PLCB1: variants seen among roughly 807,000 people sequenced by gnomAD.
PLCB1 encodes phospholipase C beta 1.
In PLCB1, 46 loss-of-function variants were observed where a neutral mutation model predicts 161.8. That is an observed-to-expected ratio of 0.28 (90% CI 0.22 to 0.36). PLCB1 has a LOEUF of 0.36. PLCB1 is among the 10% of genes least tolerant of loss of function. PLCB1 has a pLI of 1.00. For missense variants in PLCB1, 1,016 were observed against 1,472.5 expected (o/e 0.69, Z 5.07); for synonymous variants, 517 against 503.7 (o/e 1.03, Z -0.35).
chr20:8,608,930 T>C (rs1987829885), intron 3 of PLCB1, among the ~76,000 whole-genome samples: 1 of 152,182 alleles, frequency 6.6e-6, no homozygotes, highest in African/African-American at 2.4e-5. Flanking sequence ...CACTATTAGC[T>C]CCTGAAATGT....
intron 2 of PLCB1, among the ~76,000 whole-genome samples, chr20:8,207,640 G>A (rs186114319): frequency 6.6e-6 from 1 of 152,066 alleles, no homozygotes; most frequent in Non-Finnish European, 1.5e-5. Context: ...GTGTGAAGTG[G>A]CATGATCACA....
At chr20:8,808,751 G>C (rs1984665728) in intron 31 of PLCB1, among the ~76,000 whole-genome samples, 1 of 152,138 alleles carries the variant, frequency 6.6e-6, no homozygotes, top group Non-Finnish European at 1.5e-5. Context: ...ATTAAATATT[G>C]CTTAAGCAAA....
At chr20:8,166,310 G>A (rs1600211113) in intron 2 of PLCB1, among the ~76,000 whole-genome samples, 1 of 152,066 alleles carries the variant, frequency 6.6e-6, no homozygotes, top group East Asian at 1.9e-4. Context: ...AAAACATGCT[G>A]GCCATCTTGA....
intron 31 of PLCB1, among the ~76,000 whole-genome samples, chr20:8,814,438 T>G (rs78466448): frequency 0.027 from 4,142 of 152,284 alleles, 175 homozygotes; most frequent in African/African-American, 0.095. Context: ...TAGAAAATAG[T>G]TCTTTCCTTT....
chr20:8,372,832 A>G (rs1986946378), intron 3 of PLCB1, among the ~76,000 whole-genome samples: 1 of 152,192 alleles, frequency 6.6e-6, no homozygotes, highest in Admixed American at 6.5e-5. Context: ...ACCTAAGTTT[A>G]TTGGCCTAAC....
intron 31 of PLCB1, among the ~76,000 whole-genome samples, chr20:8,828,415 A>G (rs1985818187): frequency 6.6e-6 from 1 of 152,244 alleles, no homozygotes; most frequent in Middle Eastern, 3.4e-3. Context: ...TTTTTTTTAA[A>G]CATTCTCTTA....
At chr20:8,508,488 T>C (rs1429490373) in intron 3 of PLCB1, among the ~76,000 whole-genome samples, 1 of 152,202 alleles carries the variant, frequency 6.6e-6, no homozygotes, top group Non-Finnish European at 1.5e-5. Context: ...TGTTCATCTT[T>C]AGATGGTAAA....
intron 3 of PLCB1, among the ~76,000 whole-genome samples, chr20:8,435,195 C>G (rs933571783): frequency 4.6e-5 from 7 of 152,098 alleles, no homozygotes; most frequent in African/African-American, 1.7e-4. Flanking sequence ...ACACTATAAG[C>G]ATTAAGACAA....
At chr20:8,172,742 C>T (rs2051745324) in intron 2 of PLCB1, among the ~76,000 whole-genome samples, 1 of 152,146 alleles carries the variant, frequency 6.6e-6, no homozygotes, top group African/African-American at 2.4e-5. Context: ...CTAAGTACAA[C>T]TATACATCCC....
chr20:8,528,110 T>C (rs886922490), intron 3 of PLCB1, among the ~76,000 whole-genome samples: 2 of 152,072 alleles, frequency 1.3e-5, no homozygotes, highest in Non-Finnish European at 2.9e-5. Context: ...TGTAAAATGG[T>C]GCAGCCACTT....
chr20:8,523,492 CT>C lies in PLCB1; in HGVS notation c.247-104801del, dbSNP rs2095050715. ...TCTCTCTCTCTCTCTCTCTCTCTCT[CT>C]CTCTATATATATATATATATATATA... is the stretch of plus-strand genomic sequence containing the variant. On this transcript the variant is annotated intron_variant, in intron 3 of 31. Transcript: ENST00000338037. Among the ~76,000 whole-genome samples, 12 of 61,840 alleles carry C rather than the reference CT, an allele frequency of 1.9e-4. 2 individuals are homozygous for C. The highest frequency in any genetic ancestry group is 3.6e-4 in the Non-Finnish European group (11 of 30,318). 40.6% of individuals were successfully genotyped at this position (61,840 alleles called of 152,430 possible).
chr20:8,220,985 C>A (rs1366858577), intron 2 of PLCB1, among the ~76,000 whole-genome samples: 1 of 152,118 alleles, frequency 6.6e-6, no homozygotes, highest in African/African-American at 2.4e-5. Flanking sequence ...ATTATGGTTT[C>A]ATCACTGGCA....
At chr20:8,409,523 C>T (rs1000079129) in intron 3 of PLCB1, among the ~76,000 whole-genome samples, 84 of 151,806 alleles carry the variant, frequency 5.5e-4, no homozygotes, top group African/African-American at 1.9e-3. Flanking sequence ...AGTGCAATGG[C>T]ATGGTCTTGG....
intron 2 of PLCB1, among the ~76,000 whole-genome samples, chr20:8,274,239 A>G (rs1483544606): frequency 6.6e-6 from 1 of 152,174 alleles, no homozygotes; most frequent in Non-Finnish European, 1.5e-5. Context: ...CCCCAAGTCT[A>G]CCACCCAGAA....
At chr20:8,721,399 CT>C (rs1349959954) in intron 14 of PLCB1, among the ~76,000 whole-genome samples, 2 of 152,182 alleles carry the variant, frequency 1.3e-5, no homozygotes, top group Non-Finnish European at 2.9e-5. Flanking sequence ...ACCTCGCTGA[CT>C]TTTTACTTGA....
At chr20:8,220,027 A>G (rs1398661701) in intron 2 of PLCB1, among the ~76,000 whole-genome samples, 1 of 152,160 alleles carries the variant, frequency 6.6e-6, no homozygotes, top group Non-Finnish European at 1.5e-5. Context: ...TACATCTTTG[A>G]TAAATGAATG....
At chr20:8,846,821 T>C (rs1986706257) in intron 31 of PLCB1, among the ~76,000 whole-genome samples, 1 of 152,138 alleles carries the variant, frequency 6.6e-6, no homozygotes, top group South Asian at 2.1e-4. Context: ...ACATGGTCCA[T>C]ACAAAAGTCC....
chr20:8,141,931 A>G (rs992619589), intron 1 of PLCB1: 1 of 152,210 alleles, frequency 6.6e-6, no homozygotes. Context: ...TATGGTAGAC[A>G]TGAAGGAAAT....
At chr20:8,716,480 CAAG>C in intron 13 of PLCB1, 132 bp downstream of exon 13, 1 of 715,296 alleles carries the variant, frequency 1.4e-6, no homozygotes, top group East Asian at 2.7e-5. Flanking sequence ...AAATCTTTGA[CAAG>C]GAGGATACCA....
Sources: allele counts gnomAD v4.1 joint callset (sites outside exome capture counted in the v4.1 genomes callset), GRCh38; gene constraint gnomAD v4.1.1; transcripts MANE v1.5; gene names NCBI Gene and HGNC (gene_info 2026-07-23, HGNC 2026-07-21).